Variants in SRPRA observed in about 807,000 individuals in gnomAD.
The protein encoded by SRPRA is signal recognition particle receptor subunit alpha.
SRPRA carries 30 observed loss-of-function variants against 61.1 expected under a neutral mutation model. The ratio of observed to expected loss-of-function variants is 0.49; its 90% CI spans 0.37 to 0.67. The LOEUF (loss-of-function observed/expected upper bound fraction) is 0.67. Among genes scored for constraint, SRPRA ranks in the 30% least tolerant of loss-of-function variants. The probability of loss-of-function intolerance (pLI) is 0.00; values close to 1 mark genes in which losing one functional copy is unlikely to be tolerated. For synonymous variants in SRPRA, 324 were observed against 299.7 expected (o/e 1.08, Z -0.84); for missense variants, 759 against 828.4 (o/e 0.92, Z 1.03).
chr11:126,237,438 A>T, the SRPRA span, among the ~76,000 whole-genome samples: 1 of 142,776 alleles, frequency 7.0e-6, no homozygotes, highest in Non-Finnish European at 1.5e-5. Flanking sequence ...GGTTTTCACC[A>T]TGTTGACCAG....
In SRPRA at chr11:126,263,765, G is replaced by A. The variant is rs1397221263; in HGVS notation, c.*151C>T. Reference sequence around the variant, plus strand: ...CTTGCAGATGGCGGCTGTGCTGAACGGGGAGTGGGGTTGGAAGGAGCCACA... The same window carrying A: ...CTTGCAGATGGCGGCTGTGCTGAACAGGGAGTGGGGTTGGAAGGAGCCACA... On this transcript the variant is annotated 3_prime_UTR_variant, in exon 14 of 14. Coordinates refer to ENST00000332118, the MANE Select transcript of SRPRA (RefSeq NM_003139.4). 1.0e-5 allele frequency: 11 copies of A among 1,080,230 alleles called. No homozygotes were observed. The highest frequency in any genetic ancestry group is 4.7e-5 in the Admixed American group (2 of 43,000). The allele number at this position is 1,080,230 out of a possible 1,614,324, so 66.9% of individuals were successfully genotyped here. A position where few individuals can be genotyped will look rare whatever the true frequency, so the allele number is the denominator to read the frequency against.
downstream of SRPRA, among the ~76,000 whole-genome samples, chr11:126,259,219 G>C (rs12804014): frequency 0.11 from 16,438 of 152,118 alleles, 1,154 homozygotes; most frequent in Non-Finnish European, 0.16. Context: ...AGAGGTTACA[G>C]GTCTTTTGCT....
At position 126,267,926 on chromosome 11, in the gene SRPRA, C is replaced by G; in HGVS notation, c.201+77G>C. The G allele has an allele frequency of 6.7e-7, 1 of 1,502,918 alleles. No homozygotes were observed. Among genetic ancestry groups the G allele is most frequent in the Non-Finnish European group, 9.3e-7 (1 of 1,081,068 alleles). The allele number at this position is 1,502,918 out of a possible 1,614,324, so 93.1% of individuals were successfully genotyped here. On this transcript the variant is annotated intron_variant, in intron 2 of 13. Transcript: ENST00000332118. This position sits in a 1 kb window ranked among gnomAD's most constrained non-coding sequence, Gnocchi z 4.2. ...TCAGTTACGTCATCATATACACTGGCTGCAATTAATCAGAGTTCTCTTAAA... is the reference window on the plus strand; with the variant it reads ...TCAGTTACGTCATCATATACACTGGGTGCAATTAATCAGAGTTCTCTTAAA...
At chr11:126,259,968 C>G (rs1186863284), downstream of SRPRA, among the ~76,000 whole-genome samples, 1 of 152,036 alleles carries the variant, frequency 6.6e-6, no homozygotes, top group Non-Finnish European at 1.5e-5. Flanking sequence ...GATCCACCCA[C>G]CTCAGCCTCC....
chr11:126,249,750 A>G, the SRPRA span, among the ~76,000 whole-genome samples: 142 of 117,986 alleles, frequency 1.2e-3, 1 homozygote, highest in East Asian at 0.03. Context: ...AAAAAAAAAA[A>G]AAAAGAAAAA....
rs1302802012 is a variant in SRPRA at position 126,265,204 on chromosome 11, A to C, written c.1312-32T>G. On this transcript the variant is annotated intron_variant, in intron 10 of 13. Transcript: ENST00000332118. This position sits in a 1 kb window ranked among gnomAD's most constrained non-coding sequence, Gnocchi z 6.3. ...AAAAGACGTAAGAAAAGTCACCTAA[A>C]GCCAGGATTTTGAGACACAAGAAGT... 1 of 1,613,994 alleles carries C rather than the reference A, an allele frequency of 6.2e-7. No individual in the cohort carries two copies. The highest frequency in any genetic ancestry group is 1.1e-5 in the South Asian group (1 of 91,082).
In SRPRA at chr11:126,263,811, G is replaced by C. The variant is rs886457067; in HGVS notation, c.*105C>G. 40 of 1,504,602 alleles carry C rather than the reference G, an allele frequency of 2.7e-5. 1 individual carries two copies. The Admixed American group carries it at 2.7e-4, about 10-fold the overall frequency. 93.2% of individuals were successfully genotyped at this position (1,504,602 alleles called of 1,614,324 possible). ...CCACAAGCCCCCTCACTCTGCCTTT[G>C]TACTACACTGAAGACAGGTTGCTCA... On this transcript the variant is annotated 3_prime_UTR_variant, in exon 14 of 14. Coordinates refer to ENST00000332118, the MANE Select transcript of SRPRA (RefSeq NM_003139.4).
At chr11:126,253,806 G>C in the SRPRA span, among the ~76,000 whole-genome samples, 4 of 152,224 alleles carry the variant, frequency 2.6e-5, no homozygotes, top group Admixed American at 2.6e-4. The surrounding 1 kb of genome is among the most constrained non-coding windows in gnomAD (Gnocchi z 5.1). Flanking sequence ...TCGCATGGCA[G>C]CTGGATTCCA....
the SRPRA span, chr11:126,241,137 A>G: frequency 2.3e-6 from 3 of 1,289,998 alleles, no homozygotes; most frequent in East Asian, 2.3e-5. Flanking sequence ...TAGCATGCCA[A>G]ATGTAACAGG....
At chr11:126,241,060 T>TAG in the SRPRA span, 2 of 1,540,440 alleles carry the variant, frequency 1.3e-6, no homozygotes, top group Non-Finnish European at 1.7e-6. Context: ...TACCCTAGTA[T>TAG]GTGCCACAGT....
the SRPRA span, chr11:126,241,030 C>T: frequency 6.3e-7 from 1 of 1,598,822 alleles, no homozygotes; most frequent in Non-Finnish European, 8.5e-7. Context: ...TGACCTTATC[C>T]AGAAACTCTC....
chr11:126,240,972 G>T, the SRPRA span: 7 of 1,614,082 alleles, frequency 4.3e-6, no homozygotes, highest in African/African-American at 8.0e-5. Context: ...AGAGCAAAAA[G>T]TTTCAGAAAT....
rs1180631191 is a variant in SRPRA at position 126,267,754 on chromosome 11, T to G, written c.202-42A>C. ...ACAGCCAACAGATCTGCTTACATACTAGCCTAGAATGGAGGGACGCCAACT... is the reference window on the plus strand; with the variant it reads ...ACAGCCAACAGATCTGCTTACATACGAGCCTAGAATGGAGGGACGCCAACT... On this transcript the variant is annotated intron_variant, in intron 2 of 13. Coordinates refer to ENST00000332118, the MANE Select transcript of SRPRA (RefSeq NM_003139.4). This position sits in a 1 kb window ranked among gnomAD's most constrained non-coding sequence, Gnocchi z 4.2. The G allele has an allele frequency of 7.5e-6, 12 of 1,606,724 alleles. No individual in the cohort carries two copies. Among genetic ancestry groups the G allele is most frequent in the Non-Finnish European group, 1.0e-5 (12 of 1,175,210 alleles).
the SRPRA span, chr11:126,250,430 T>C: frequency 1.0e-6 from 1 of 963,360 alleles, no homozygotes; most frequent in Non-Finnish European, 1.6e-6. This position sits in a 1 kb window ranked among gnomAD's most constrained non-coding sequence, Gnocchi z 5.1. Flanking sequence ...TTCCAAAATT[T>C]GTTACTGCTG....
Position 126,264,050 on chromosome 11 carries a change from T to C in SRPRA, c.1789-6A>G, listed in dbSNP as rs1950756075. ...ATAGAAATAGCAGCTCCCACCTAAG[T>C]GGAGAAAGAGGACAGCCCATCAACA... On this transcript the variant is annotated splice_region_variant and splice_polypyrimidine_tract_variant and intron_variant, in intron 13 of 13. Transcript: ENST00000332118. The surrounding 1 kb of genome is among the most constrained non-coding windows in gnomAD (Gnocchi z 5.0). The C allele has an allele frequency of 6.2e-7, 1 of 1,613,990 alleles. No homozygotes were observed.
chr11:126,246,140 G>A, the SRPRA span, among the ~76,000 whole-genome samples: 8,400 of 152,092 alleles, frequency 0.055, 367 homozygotes, highest in East Asian at 0.18. Flanking sequence ...ATATTTAGGG[G>A]AAATTTAAAC....
At chr11:126,236,372 T>A in the SRPRA span, among the ~76,000 whole-genome samples, 1 of 152,270 alleles carries the variant, frequency 6.6e-6, no homozygotes, top group Non-Finnish European at 1.5e-5. Context: ...CTCTCATTCA[T>A]ACTCTGCTAA....
rs532064727 is a variant in SRPRA at position 126,265,840 on chromosome 11, A to G, written c.1052-17T>C. 2 of 1,614,158 alleles carry G rather than the reference A, an allele frequency of 1.2e-6. No individual in the cohort carries two copies. Among genetic ancestry groups the G allele is most frequent in the Non-Finnish European group, 1.7e-6 (2 of 1,179,950 alleles). ...CGTTCTTAGCTGAGGAGAGGGGGAC[A>G]GGTATGTCAGTTCCATGTCAGCAAT... On this transcript the variant is annotated splice_polypyrimidine_tract_variant and intron_variant, in intron 8 of 13. Transcript: ENST00000332118. This position sits in a 1 kb window ranked among gnomAD's most constrained non-coding sequence, Gnocchi z 6.3.
At chr11:126,262,329 CT>C, downstream of SRPRA, 1 of 530,614 alleles carries the variant, frequency 1.9e-6, no homozygotes, top group Non-Finnish European at 3.4e-6. Flanking sequence ...ATTCTGCCGC[CT>C]GTTCAAGTTC....
Sources: allele counts gnomAD v4.1 joint callset (sites outside exome capture counted in the v4.1 genomes callset), GRCh38; gene constraint gnomAD v4.1.1; non-coding constraint Gnocchi (gnomAD v3.1); transcripts MANE v1.5; gene names NCBI Gene and HGNC (gene_info 2026-07-23, HGNC 2026-07-21).